The following ITPA variants were observed in gnomAD, a reference collection of about 807,000 sequenced individuals.
The protein encoded by ITPA is inosine triphosphatase, also known as inosine triphosphate pyrophosphatase.
ITPA carries 29 observed loss-of-function variants against 29.6 expected under a neutral mutation model. That is an observed-to-expected ratio of 0.98 (90% CI 0.73 to 1.34). The LOEUF is 1.34. Among genes scored for constraint, ITPA ranks in the 40% most tolerant of loss-of-function variants. The probability of loss-of-function intolerance (pLI) is 0.00; values close to 1 mark genes in which losing one functional copy is unlikely to be tolerated. For synonymous variants in ITPA, 103 were observed against 99.3 expected (o/e 1.04, Z -0.22); for missense variants, 241 against 251.5 (o/e 0.96, Z 0.28).
At chr20:3,214,654 A>G (rs2067252970) in intron 4 of ITPA, among the ~76,000 whole-genome samples, 1 of 151,934 alleles carries the variant, frequency 6.6e-6, no homozygotes, top group East Asian at 1.9e-4. Context: ...ATCTCCGCTA[A>G]CTGCAAGCTC....
At chr20:3,211,166 C>CT (rs369449246) in intron 1 of ITPA, among the ~76,000 whole-genome samples, 44,915 of 140,138 alleles carry the variant, frequency 0.32, 7,651 homozygotes, top group South Asian at 0.47. Context: ...AACAGGTAGT[C>CT]TTTTTTTTTT....
upstream of ITPA, among the ~76,000 whole-genome samples, chr20:3,207,645 G>T (rs1340300003): frequency 6.6e-6 from 1 of 151,936 alleles, no homozygotes; most frequent in Non-Finnish European, 1.5e-5. Context: ...AGTGAGCCGA[G>T]ATCGTGCCAC....
chr20:3,217,543 G>A (rs1241130755), intron 5 of ITPA, among the ~76,000 whole-genome samples: 6 of 151,904 alleles, frequency 3.9e-5, no homozygotes, highest in South Asian at 2.1e-4. Context: ...GCTCAATCTC[G>A]GCTCACTGCC....
chr20:3,217,073 G>A (rs1257109103), intron 5 of ITPA, among the ~76,000 whole-genome samples: 1 of 151,904 alleles, frequency 6.6e-6, no homozygotes. Context: ...TAGAGACAGG[G>A]TTTCACCACG....
chr20:3,209,179 A>T (rs373125609), upstream of ITPA: 219 of 366,468 alleles, frequency 6.0e-4, 4 homozygotes, highest in South Asian at 4.7e-3. The surrounding 1 kb of genome is among the most constrained non-coding windows in gnomAD (Gnocchi z 4.6). Context: ...GAGACAGCAT[A>T]GGAGAGCGCA....
chr20:3,215,159 G>T, intron 4 of ITPA, 122 bp from the exon 5 acceptor site: 1 of 955,750 alleles, frequency 1.0e-6, no homozygotes, highest in Non-Finnish European at 1.7e-6. Flanking sequence ...GACCCACCTC[G>T]CCTGGCTCTT....
intron 4 of ITPA, among the ~76,000 whole-genome samples, chr20:3,214,363 CTTT>C (rs57982806): frequency 8.9e-5 from 10 of 112,938 alleles, no homozygotes; most frequent in Non-Finnish European, 1.7e-4. Context: ...TTCTTCCTTT[CTTT>C]TTTTTTTTTT....
intron 5 of ITPA, among the ~76,000 whole-genome samples, chr20:3,216,777 G>A (rs1241303886): frequency 2.0e-5 from 3 of 151,418 alleles, no homozygotes; most frequent in Non-Finnish European, 2.9e-5. Context: ...TAGTAGACAC[G>A]GAGTTTCGCC....
intron 3 of ITPA, 97 bp from the exon 4 acceptor site, chr20:3,213,888 T>C: frequency 8.0e-7 from 1 of 1,256,144 alleles, no homozygotes; most frequent in Non-Finnish European, 1.2e-6. Context: ...CTCAGCTAGC[T>C]GAGGGCTGGC....
chr20:3,212,574 G>A (rs567929381), intron 1 of ITPA, among the ~76,000 whole-genome samples: 4 of 152,242 alleles, frequency 2.6e-5, no homozygotes, highest in Non-Finnish European at 5.9e-5. Context: ...GCCCACCTTG[G>A]CCTCCAAAAG....
downstream of ITPA, among the ~76,000 whole-genome samples, chr20:3,226,111 A>C (rs1051912754): frequency 2.6e-5 from 4 of 152,144 alleles, no homozygotes; most frequent in African/African-American, 7.2e-5. This position sits in a 1 kb window ranked among gnomAD's most constrained non-coding sequence, Gnocchi z 4.4. Flanking sequence ...CTAAAAGAGG[A>C]GTCGTGGGAA....
chr20:3,222,564 T>C (rs975141893), intron 7 of ITPA, among the ~76,000 whole-genome samples: 31 of 152,198 alleles, frequency 2.0e-4, no homozygotes, highest in Admixed American at 2.0e-3. Flanking sequence ...TGGGAAAATG[T>C]CCAGGCTTTT....
At chr20:3,204,600 C>A, upstream of ITPA, 1 of 1,590,220 alleles carries the variant, frequency 6.3e-7, no homozygotes, top group Non-Finnish European at 8.5e-7. Context: ...AGAGCCGCCG[C>A]TACCAAGTAC....
downstream of ITPA, among the ~76,000 whole-genome samples, chr20:3,224,089 G>C (rs1057086073): frequency 6.6e-6 from 1 of 152,216 alleles, no homozygotes; most frequent in Non-Finnish European, 1.5e-5. Flanking sequence ...GTAGTGCCAG[G>C]GCCTCCATGA....
intron 7 of ITPA, among the ~76,000 whole-genome samples, chr20:3,222,302 A>G (rs1394605530): frequency 6.8e-6 from 1 of 146,638 alleles, no homozygotes; most frequent in Non-Finnish European, 1.5e-5. Context: ...AACTCACTGC[A>G]CCCTCTGCCT....
At chr20:3,209,348 G>A (rs1255076657), upstream of ITPA, 3 of 656,022 alleles carry the variant, frequency 4.6e-6, no homozygotes, top group East Asian at 5.6e-5. The surrounding 1 kb of genome is among the most constrained non-coding windows in gnomAD (Gnocchi z 4.6). Context: ...CTCCAGGCTC[G>A]GGAGGCCCCC....
chr20:3,215,495 G>A lies in ITPA; in HGVS notation c.295+183G>A, dbSNP rs563049757. On this transcript the variant is annotated intron_variant, in intron 5 of 7. Transcript: ENST00000380113. The stretch of plus-strand genomic sequence containing the variant: ...CCTGTACTCCAGAGAGCACTGTGTG[G>A]GGGAGGGATGATGGGAGCTGCAGGG... Among the ~76,000 whole-genome samples the A allele has an allele frequency of 2.0e-5, 3 of 152,298 alleles. No homozygotes were observed. In the South Asian group the frequency reaches 6.2e-4, roughly 32 times the overall value.
chr20:3,215,108 C>A, intron 4 of ITPA, 173 bp from the exon 5 acceptor site: 1 of 655,882 alleles, frequency 1.5e-6, no homozygotes. Flanking sequence ...CTCAAGCGAT[C>A]CGCCTGCCTT....
rs770956514 is a variant in ITPA, at chr20:3,215,279, A to G, written c.264-2A>G. On this transcript the variant is annotated splice_acceptor_variant, in intron 4 of 7. Transcript: ENST00000380113. LOFTEE classifies it high-confidence loss of function. ...TCTGACTGTCCTTTCTTTCTCTTGCAGAAAGTGGTTTCTGGAGAAGTTAAA... is the reference window on the plus strand; with the variant it reads ...TCTGACTGTCCTTTCTTTCTCTTGCGGAAAGTGGTTTCTGGAGAAGTTAAA... 1.2e-5 allele frequency: 20 copies of G among 1,613,932 alleles called. No individual in the cohort carries two copies. The highest frequency in any genetic ancestry group is 1.7e-5 in the Non-Finnish European group (20 of 1,179,808).
Sources: allele counts gnomAD v4.1 joint callset (sites outside exome capture counted in the v4.1 genomes callset), GRCh38; gene constraint gnomAD v4.1.1; non-coding constraint Gnocchi (gnomAD v3.1); transcripts MANE v1.5; gene names NCBI Gene and HGNC (gene_info 2026-07-23, HGNC 2026-07-21).